XRN1: variants seen among roughly 807,000 people sequenced by gnomAD.
The protein encoded by XRN1 is 5'-3' exoribonuclease 1, also known as strand-exchange protein 1 homolog.
In XRN1, 67 loss-of-function variants were observed where a neutral mutation model predicts 222.3. The observed-to-expected ratio is 0.30, with a 90% CI of 0.25 to 0.37. The LOEUF (loss-of-function observed/expected upper bound fraction) is 0.37, where lower values mean the gene tolerates loss of function less well. Ranked by LOEUF, XRN1 falls within the 10% of genes least tolerant of loss-of-function variation. The pLI, the probability that XRN1 is intolerant of heterozygous loss-of-function variation, is 1.00. For missense variants in XRN1, 1,707 were observed against 2,000.2 expected (o/e 0.85, Z 2.80); for synonymous variants, 643 against 652.4 (o/e 0.99, Z 0.22).
chr3:142,415,006 A>G (rs1238413250), intron 13 of XRN1, among the ~76,000 whole-genome samples: 1 of 152,208 alleles, frequency 6.6e-6, no homozygotes, highest in African/African-American at 2.4e-5. Flanking sequence ...GAGACTAAAA[A>G]CAGTTGAACG....
chr3:142,421,557 A>C lies in XRN1; in HGVS notation c.968-14T>G. 1 of 1,580,932 alleles carries C rather than the reference A, an allele frequency of 6.3e-7. No homozygotes were observed. Among genetic ancestry groups the C allele is most frequent in the Non-Finnish European group, 8.6e-7 (1 of 1,161,816 alleles). On this transcript the variant is annotated splice_polypyrimidine_tract_variant and intron_variant, in intron 8 of 40. Transcript: ENST00000392981. ...CATTAATATAACCTAAAAGAAACAA[A>C]AATTTAAATCTGTACTAAAAGCTGA...
intron 12 of XRN1, 175 bp downstream of exon 12, chr3:142,418,329 T>C (rs917852648): frequency 2.0e-6 from 1 of 510,478 alleles, no homozygotes; most frequent in African/African-American, 2.0e-5. Context: ...AGGAATATAA[T>C]ACAAGTCAGA....
chr3:142,399,492 T>G (rs2068048470), intron 19 of XRN1, among the ~76,000 whole-genome samples: 1 of 152,044 alleles, frequency 6.6e-6, no homozygotes, highest in African/African-American at 2.4e-5. Context: ...TATAAAACTT[T>G]TCAAAGAAAA....
intron 32 of XRN1, among the ~76,000 whole-genome samples, chr3:142,349,697 T>C (rs1034537124): frequency 6.6e-6 from 1 of 152,140 alleles, no homozygotes; most frequent in Non-Finnish European, 1.5e-5. Context: ...CAATGAAAGC[T>C]TGAATATTTC....
Position 142,422,865 on chromosome 3 carries a change from C to G in XRN1, c.768G>C (p.Glu256Asp). 1.1e-5 allele frequency: 18 copies of G among 1,612,266 alleles called. No individual in the cohort carries two copies. Among genetic ancestry groups the G allele is most frequent in the Middle Eastern group, 3.3e-4 (2 of 6,074 alleles). Residue 256 changes from glutamate to aspartate, a missense_variant, in exon 7 of 41, where the codon GAG becomes GAC. Transcript: ENST00000392981. ...FHLLHLSLMREYIDYEFSVLK... is the reference protein window; with the variant it reads ...FHLLHLSLMRDYIDYEFSVLK... ...ATACTGAAAACTCATAGTCAATATA[C>G]TCTCTCATTAAAGACAAGTGTAGAA...
intron 23 of XRN1, among the ~76,000 whole-genome samples, chr3:142,378,786 A>G (rs1241615137): frequency 6.6e-6 from 1 of 152,170 alleles, no homozygotes; most frequent in Admixed American, 6.5e-5. Context: ...GCTGAACAGG[A>G]GAAGGGAAGA....
At chr3:142,445,848 A>C (rs1015332992) in intron 1 of XRN1, among the ~76,000 whole-genome samples, 1 of 152,222 alleles carries the variant, frequency 6.6e-6, no homozygotes, top group Non-Finnish European at 1.5e-5. Context: ...TAATGGAGTG[A>C]ATAAAACTCC....
chr3:142,311,315 C>A lies in XRN1; in HGVS notation c.*196G>T. 1 of 440,270 alleles carries A rather than the reference C, an allele frequency of 2.3e-6. No individual in the cohort carries two copies. The highest frequency in any genetic ancestry group is 3.9e-6 in the Non-Finnish European group (1 of 255,722). The allele number at this position is 440,270 out of a possible 1,614,324, so 27.3% of individuals were successfully genotyped here. A position where few individuals can be genotyped will look rare whatever the true frequency, so the allele number is the denominator to read the frequency against. On this transcript the variant is annotated 3_prime_UTR_variant, in exon 41 of 41. Transcript: ENST00000392981. ...TATAATTGACATACAACAAACTGCA[C>A]ATACTTAAAGTGCACAATTTGATAC... is the stretch of plus-strand genomic sequence containing the variant.
intron 39 of XRN1, 101 bp from the exon 40 acceptor site, chr3:142,312,859 C>A: frequency 8.1e-7 from 1 of 1,235,446 alleles, no homozygotes; most frequent in Non-Finnish European, 1.1e-6. Flanking sequence ...CTTTTTTTTT[C>A]CCCTTTGGCA....
At chr3:142,432,440 G>T (rs951664313) in intron 2 of XRN1, among the ~76,000 whole-genome samples, 2 of 150,374 alleles carry the variant, frequency 1.3e-5, no homozygotes, top group Admixed American at 1.3e-4. Flanking sequence ...ACAAACAAAC[G>T]AACAAGAGAA....
chr3:142,356,893 T>C lies in XRN1; in HGVS notation c.3672+19A>G. On this transcript the variant is annotated intron_variant, in intron 31 of 40. Coordinates refer to ENST00000392981, the MANE Select transcript of XRN1 (RefSeq NM_001282857.2). ...TTTGTAAAAGGGGTAGAGGAGAAGT[T>C]AAAGACTGAGAGTCTTACTTGAGTA... The C allele has an allele frequency of 6.2e-7, 1 of 1,607,050 alleles. No individual in the cohort carries two copies. The highest frequency in any genetic ancestry group is 8.5e-7 in the Non-Finnish European group (1 of 1,173,950).
chr3:142,370,474 A>C lies in XRN1; in HGVS notation c.3204+11T>G. ...ATCTCATCAATAATCTTGGTTACTG[A>C]AAGTTAGTACCTTGCACTTTTCGAC... On this transcript the variant is annotated intron_variant, in intron 27 of 40. Coordinates refer to ENST00000392981, the MANE Select transcript of XRN1 (RefSeq NM_001282857.2). The C allele has an allele frequency of 1.9e-6, 3 of 1,587,652 alleles. No individual in the cohort carries two copies. Among genetic ancestry groups the C allele is most frequent in the Non-Finnish European group, 2.6e-6 (3 of 1,172,462 alleles).
chr3:142,386,921 G>C (rs1188714827), intron 20 of XRN1, among the ~76,000 whole-genome samples: 1 of 152,058 alleles, frequency 6.6e-6, no homozygotes, highest in Non-Finnish European at 1.5e-5. Flanking sequence ...AAACCTTTTT[G>C]GTAGTATCTG....
intron 34 of XRN1, 105 bp from the exon 35 acceptor site, chr3:142,333,194 A>G: frequency 7.8e-7 from 1 of 1,287,432 alleles, no homozygotes; most frequent in East Asian, 2.6e-5. Context: ...TCACTCAATC[A>G]TCTTCCCAGG....
At chr3:142,399,430 A>C (rs1577364337) in intron 19 of XRN1, among the ~76,000 whole-genome samples, 1 of 152,244 alleles carries the variant, frequency 6.6e-6, no homozygotes, top group South Asian at 2.1e-4. Flanking sequence ...TATACCTTAT[A>C]CAAAAATTAA....
intron 27 of XRN1, among the ~76,000 whole-genome samples, chr3:142,365,608 G>A (rs898404973): frequency 3.9e-5 from 6 of 152,176 alleles, no homozygotes; most frequent in Admixed American, 3.3e-4. Context: ...ACAGCATGGG[G>A]AGGAAAATGC....
At chr3:142,439,869 C>T (rs1003752668) in intron 1 of XRN1, among the ~76,000 whole-genome samples, 10 of 152,278 alleles carry the variant, frequency 6.6e-5, no homozygotes, top group South Asian at 2.1e-4. Flanking sequence ...CAGTGCGGTC[C>T]GCAAGGACAC....
At chr3:142,326,481 G>C (rs2065520125) in intron 37 of XRN1, among the ~76,000 whole-genome samples, 1 of 151,718 alleles carries the variant, frequency 6.6e-6, no homozygotes, top group African/African-American at 2.4e-5. Flanking sequence ...ATATAGAAAT[G>C]TGACTGATTG....
intron 30 of XRN1, among the ~76,000 whole-genome samples, chr3:142,358,668 C>A (rs2066531981): frequency 6.6e-6 from 1 of 152,054 alleles, no homozygotes; most frequent in African/African-American, 2.4e-5. Flanking sequence ...TATTGGTAAT[C>A]AAACACTTTC....
Sources: allele counts gnomAD v4.1 joint callset (sites outside exome capture counted in the v4.1 genomes callset), GRCh38; gene constraint gnomAD v4.1.1; transcripts MANE v1.5; gene names NCBI Gene and HGNC (gene_info 2026-07-23, HGNC 2026-07-21).